Variants in RNASEH2C observed in about 807,000 individuals in gnomAD.
RNASEH2C encodes RNase H1 small subunit.
Under a neutral mutation model 16.3 loss-of-function variants are expected in RNASEH2C, and 20 were observed. That is an observed-to-expected ratio of 1.23 (90% CI 0.86 to 1.79). The LOEUF (loss-of-function observed/expected upper bound fraction) is 1.79, where lower values mean the gene tolerates loss of function less well. Ranked by LOEUF, RNASEH2C falls within the 40% of genes most tolerant of loss-of-function variation. The pLI is 0.00. For synonymous variants in RNASEH2C, 106 were observed against 98.9 expected (o/e 1.07, Z -0.43); for missense variants, 296 against 235.9 (o/e 1.25, Z -1.67).
intron 1 of RNASEH2C, 63 bp from the exon 2 acceptor site, chr11:65,720,480 CT>C: frequency 1.3e-6 from 2 of 1,594,598 alleles, no homozygotes; most frequent in Non-Finnish European, 1.7e-6. Context: ...CGGAGCTGCC[CT>C]CCCGCCACCT....
Position 65,719,783 on chromosome 11 carries a change from T to C in RNASEH2C, c.495A>G (p.Ter165TrpextTer135), listed in dbSNP as rs749473518. 2 of 1,614,054 alleles carry C rather than the reference T, an allele frequency of 1.2e-6. No individual in the cohort carries two copies. The highest frequency in any genetic ancestry group is 2.7e-5 in the African/African-American group (2 of 74,912). ...AGCTTTGAATTTCAAGCTCTGGTTC[T>C]CAGTCCTCGGGCACCTGTGCGTGAA... ...AAIHAQVPED[*>W] Residue 165 changes from the stop codon to tryptophan (W), a stop_lost, in exon 4 of 4, where the codon TGA becomes TGG. Coordinates refer to ENST00000308418, the MANE Select transcript of RNASEH2C (RefSeq NM_032193.4).
Position 65,719,803 on chromosome 11 carries a change from C to A in RNASEH2C, c.475G>T (p.Ala159Ser). Residue 159 changes from alanine to serine, a missense_variant, in exon 4 of 4, where the codon GCA (alanine) becomes TCA (serine). Transcript: ENST00000308418. The part of the protein sequence containing the change: ...TWPSLAAAIH[A>S]QVPED ...GGTTCTCAGTCCTCGGGCACCTGTG[C>A]GTGAATCTGCAACAGGAGTCGCCTC... The A allele has an allele frequency of 6.2e-7, 1 of 1,614,102 alleles. No homozygotes were observed. Among genetic ancestry groups the A allele is most frequent in the East Asian group, 2.2e-5 (1 of 44,896 alleles).
At chr11:65,719,940 A>G (rs1857339288) in intron 3 of RNASEH2C, 105 bp downstream of exon 3, 2 of 1,599,752 alleles carry the variant, frequency 1.3e-6, no homozygotes, top group Non-Finnish European at 1.7e-6. Context: ...TCAGGGAGCT[A>G]CGCTTCCCAC....
At position 65,719,133 on chromosome 11, in the gene RNASEH2C, G is replaced by A. The variant is rs970856059; in HGVS notation, c.*650C>T. The A allele has an allele frequency of 6.2e-7, 1 of 1,614,222 alleles. No homozygotes were observed. Among genetic ancestry groups the A allele is most frequent in the East Asian group, 2.2e-5 (1 of 44,888 alleles). ...AGCGGCTCCTGCGGATCGACTCCAAGTGTCTGCACTTCACTCCCAAGGACT... is the reference window on the plus strand; with the variant it reads ...AGCGGCTCCTGCGGATCGACTCCAAATGTCTGCACTTCACTCCCAAGGACT... On this transcript the variant is annotated 3_prime_UTR_variant, in exon 4 of 4. Coordinates refer to ENST00000308418, the MANE Select transcript of RNASEH2C (RefSeq NM_032193.4).
intron 1 of RNASEH2C, 77 bp from the exon 2 acceptor site, chr11:65,720,494 G>T (rs1007546093): frequency 1.9e-6 from 3 of 1,586,162 alleles, no homozygotes; most frequent in Non-Finnish European, 2.6e-6. Context: ...CGCCACCTCC[G>T]GACGGACCAC....
At position 65,719,147 on chromosome 11, in the gene RNASEH2C, C is replaced by T; in HGVS notation, c.*636G>A. ...ATCGACTCCAAGTGTCTGCACTTCA[C>T]TCCCAAGGACTGGAGCAAGAGGGGG... On this transcript the variant is annotated 3_prime_UTR_variant, in exon 4 of 4. Transcript: ENST00000308418. The T allele has an allele frequency of 6.2e-7, 1 of 1,614,192 alleles. No individual in the cohort carries two copies. Among genetic ancestry groups the T allele is most frequent in the Non-Finnish European group, 8.5e-7 (1 of 1,180,038 alleles).
At position 65,718,823 on chromosome 11, in the gene RNASEH2C, C is replaced by T. The variant is rs1565211741; in HGVS notation, c.*960G>A. On this transcript the variant is annotated 3_prime_UTR_variant, in exon 4 of 4. Transcript: ENST00000308418. Reference sequence around the variant, plus strand: ...TCCTGGGCTTTCTCTCTCAGGGCTCCTGGGGACAGATAAAGGTCCTCAGGG... The same window carrying T: ...TCCTGGGCTTTCTCTCTCAGGGCTCTTGGGGACAGATAAAGGTCCTCAGGG... 6.2e-7 allele frequency: 1 copy of T among 1,613,456 alleles called. No homozygotes were observed. Among genetic ancestry groups the T allele is most frequent in the Non-Finnish European group, 8.5e-7 (1 of 1,179,726 alleles).
At position 65,720,142 on chromosome 11, in the gene RNASEH2C, G is replaced by A. The variant is rs751248914; in HGVS notation, c.371C>T (p.Ala124Val). Residue 124 changes from alanine to valine, a missense_variant, in exon 3 of 4, where the codon GCC becomes GTC. Coordinates refer to ENST00000308418, the MANE Select transcript of RNASEH2C (RefSeq NM_032193.4). ...RDFDRFIGATANFSRFTLWGL... is the reference protein window; with the variant it reads ...RDFDRFIGATVNFSRFTLWGL... ...CCACAGGGTGAAGCGGCTGAAGTTG[G>A]CAGTGGCTCCAATGAAGCGGTCCTG... 6 of 1,614,110 alleles carry A rather than the reference G, an allele frequency of 3.7e-6. No individual in the cohort carries two copies. Among genetic ancestry groups the A allele is most frequent in the Middle Eastern group, 3.3e-4 (2 of 6,084 alleles).
rs369678311 is a variant in RNASEH2C, at chr11:65,718,864, C to T, written c.*919G>A. On this transcript the variant is annotated 3_prime_UTR_variant, in exon 4 of 4. Coordinates refer to ENST00000308418, the MANE Select transcript of RNASEH2C (RefSeq NM_032193.4). ...GTCCTCAGGGAACCTGACCTGTGCTCTCCCACAGTGAGATTAGTGAAATCA... is the reference window on the plus strand; with the variant it reads ...GTCCTCAGGGAACCTGACCTGTGCTTTCCCACAGTGAGATTAGTGAAATCA... 8.1e-6 allele frequency: 13 copies of T among 1,614,110 alleles called. No individual in the cohort carries two copies. In the African/African-American group the frequency reaches 1.3e-4, roughly 17 times the overall value.
chr11:65,720,104 T>C lies in RNASEH2C; in HGVS notation c.409A>G (p.Ile137Val), dbSNP rs1857345950. 6.2e-7 allele frequency: 1 copy of C among 1,614,082 alleles called. No homozygotes were observed. The highest frequency in any genetic ancestry group is 1.7e-5 in the Admixed American group (1 of 60,008). ...SRFTLWGLET[I>V]PGPDAKVRGA... ...CGCACTTTGGCATCCGGGCCAGGGATGGTCTCCAGACCCCACAGGGTGAAG... is the reference window on the plus strand; with the variant it reads ...CGCACTTTGGCATCCGGGCCAGGGACGGTCTCCAGACCCCACAGGGTGAAG... Residue 137 changes from isoleucine to valine, a missense_variant, in exon 3 of 4, where the codon ATC becomes GTC. By Grantham distance (29) the Ile-to-Val change is conservative. Coordinates refer to ENST00000308418, the MANE Select transcript of RNASEH2C (RefSeq NM_032193.4).
Position 65,720,640 on chromosome 11 carries a change from C to T in RNASEH2C, c.119G>A (p.Gly40Glu). The change falls in exon 1 of 4, where the codon GGG becomes GAG. Residue 40 changes from glycine to glutamate, a missense_variant. By Grantham distance (98) the Gly-to-Glu change is moderately conservative. Coordinates refer to ENST00000308418, the MANE Select transcript of RNASEH2C (RefSeq NM_032193.4). The stretch of plus-strand genomic sequence containing the variant: ...GAAGAAGCGCCCCACCGGGGCGGGC[C>T]CGTCCACCGCAACCTCGCAGGGCAG... ...HLLPCEVAVD[G>E]PAPVGRFFTP... is the part of the protein sequence containing the mutation. 1 of 1,566,232 alleles carries T rather than the reference C, an allele frequency of 6.4e-7. No homozygotes were observed. Among genetic ancestry groups the T allele is most frequent in the Admixed American group, 1.8e-5 (1 of 54,796 alleles).
Position 65,720,323 on chromosome 11 carries a change from C to T in RNASEH2C, c.267G>A (p.Lys89=), listed in dbSNP as rs927863596. The T allele has an allele frequency of 1.8e-5, 29 of 1,612,654 alleles. No homozygotes were observed. The highest frequency in any genetic ancestry group is 2.4e-5 in the Non-Finnish European group (28 of 1,180,020). The change falls in exon 2 of 4, where the codon AAG becomes AAA. Residue 89 remains lysine (K), a synonymous_variant. Transcript: ENST00000308418. The part of the protein sequence containing the change: ...LVGYVMVTEE[K]KVSMGKPDPL... The stretch of plus-strand genomic sequence containing the variant: ...GGTCTGGCTTCCCCATCGACACCTT[C>T]TTCTCTTCTGTCACCATCACGTATC...
rs1857346333 is a variant in RNASEH2C at position 65,720,120 on chromosome 11, CAG to C, written c.391_392del (p.Leu131ValfsTer39). On this transcript the variant is annotated frameshift_variant, in exon 3 of 4. Transcript: ENST00000308418. LOFTEE classifies it high-confidence loss of function. ...GGCCAGGGATGGTCTCCAGACCCCA[CAG>C]GGTGAAGCGGCTGAAGTTGGCAGTG... ...GATANFSRFT[L>X]WGLETIPGPD... The C allele has an allele frequency of 6.2e-7, 1 of 1,614,252 alleles. No homozygotes were observed. Among genetic ancestry groups the C allele is most frequent in the Admixed American group, 1.7e-5 (1 of 60,030 alleles).
rs1332044735 is a variant in RNASEH2C at position 65,720,029 on chromosome 11, C to T, written c.468+16G>A. On this transcript the variant is annotated intron_variant, in intron 3 of 3. Coordinates refer to ENST00000308418, the MANE Select transcript of RNASEH2C (RefSeq NM_032193.4). The stretch of plus-strand genomic sequence containing the variant: ...CCATCCACCCGGGGGCAAGACGGAA[C>T]TCCTCGTCTACTCACCGCTGCCGCA... The T allele has an allele frequency of 8.7e-6, 14 of 1,612,634 alleles. No individual in the cohort carries two copies. The highest frequency in any genetic ancestry group is 3.3e-5 in the Admixed American group (2 of 60,014).
In RNASEH2C at chr11:65,718,502, G is replaced by A. The variant is rs528634366; in HGVS notation, c.*1281C>T. The stretch of plus-strand genomic sequence containing the variant: ...GTGGCAGGGCCATGATAGGAACTAG[G>A]CAGCCTGCCTTGGCAACCTGTGTTT... On this transcript the variant is annotated 3_prime_UTR_variant, in exon 4 of 4. Coordinates refer to ENST00000308418, the MANE Select transcript of RNASEH2C (RefSeq NM_032193.4). 2 of 1,408,716 alleles carry A rather than the reference G, an allele frequency of 1.4e-6. No individual in the cohort carries two copies. Among genetic ancestry groups the A allele is most frequent in the Admixed American group, 1.9e-5 (1 of 53,552 alleles). The allele number at this position is 1,408,716 out of a possible 1,614,324, so 87.3% of individuals were successfully genotyped here.
rs376075138 is a variant in RNASEH2C, at chr11:65,720,231, C to T, written c.348+11G>A. 3.4e-5 allele frequency: 55 copies of T among 1,614,126 alleles called. No homozygotes were observed. The highest frequency in any genetic ancestry group is 2.1e-4 in the African/African-American group (16 of 74,948). On this transcript the variant is annotated intron_variant, in intron 2 of 3. Coordinates refer to ENST00000308418, the MANE Select transcript of RNASEH2C (RefSeq NM_032193.4). ...GCCCGCACCCCCTTTCAACCCTATCCCTTTGCTCACGAAGTCCCGCTCCAG... is the reference window on the plus strand; with the variant it reads ...GCCCGCACCCCCTTTCAACCCTATCTCTTTGCTCACGAAGTCCCGCTCCAG...
rs1857275693 is a variant in RNASEH2C at position 65,718,351 on chromosome 11, T to C, written c.*1432A>G. 2 of 478,286 alleles carry C rather than the reference T, an allele frequency of 4.2e-6. No individual in the cohort carries two copies. Among genetic ancestry groups the C allele is most frequent in the Non-Finnish European group, 7.5e-6 (2 of 265,746 alleles). The allele number at this position is 478,286 out of a possible 1,614,324, so 29.6% of individuals were successfully genotyped here. A position where few individuals can be genotyped will look rare whatever the true frequency, so the allele number is the denominator to read the frequency against. ...CACTGGCCTCTGATCACCCTCATGGTTGACTGCAGCTGCTCCTCTCAGTGC... is the reference window on the plus strand; with the variant it reads ...CACTGGCCTCTGATCACCCTCATGGCTGACTGCAGCTGCTCCTCTCAGTGC... On this transcript the variant is annotated 3_prime_UTR_variant, in exon 4 of 4. Transcript: ENST00000308418.
chr11:65,719,573 T>C lies in RNASEH2C; in HGVS notation c.*210A>G, dbSNP rs1193261582. 1 of 651,014 alleles carries C rather than the reference T, an allele frequency of 1.5e-6. No homozygotes were observed. The highest frequency in any genetic ancestry group is 1.8e-5 in the African/African-American group (1 of 54,914). 40.3% of individuals were successfully genotyped at this position (651,014 alleles called of 1,614,324 possible). On this transcript the variant is annotated 3_prime_UTR_variant, in exon 4 of 4. Transcript: ENST00000308418. ...AATTTCTGGCTTCTCTTACCCCTAT[T>C]GCCCCCGGCAATAAATTGTTTCTAT...
Position 65,719,006 on chromosome 11 carries a change from C to T in RNASEH2C, c.*777G>A. Reference sequence around the variant, plus strand: ...TGTGTGGGATGCAGAGTGCAGTCCTCTGTGGGCTGACCACCTGCTGAACCC... The same window carrying T: ...TGTGTGGGATGCAGAGTGCAGTCCTTTGTGGGCTGACCACCTGCTGAACCC... On this transcript the variant is annotated 3_prime_UTR_variant, in exon 4 of 4. Transcript: ENST00000308418. 6.2e-7 allele frequency: 1 copy of T among 1,614,034 alleles called. No individual in the cohort carries two copies. Among genetic ancestry groups the T allele is most frequent in the Non-Finnish European group, 8.5e-7 (1 of 1,179,962 alleles).
Sources: gnomAD v4.1 joint callset for allele counts on GRCh38, gnomAD v4.1.1 for gene constraint, MANE v1.5 for transcripts, NCBI Gene and HGNC (gene_info 2026-07-23, HGNC 2026-07-21) for gene names.